The following QSER1 variants were observed in gnomAD, a reference collection of about 807,000 sequenced individuals.
QSER1 encodes glutamine and serine rich 1.
QSER1 carries 49 observed loss-of-function variants against 158.5 expected under a neutral mutation model. The observed-to-expected ratio is 0.31, with a 90% CI of 0.25 to 0.39. The LOEUF (loss-of-function observed/expected upper bound fraction) is 0.39, where lower values mean the gene tolerates loss of function less well. QSER1 is among the 10% of genes least tolerant of loss of function. The pLI is 1.00. For synonymous variants in QSER1, 650 were observed against 715.5 expected, an observed-to-expected ratio of 0.91 and a Z score of 1.46; for missense variants, 1,754 against 2,010.3, an observed-to-expected ratio of 0.87 and a Z score of 2.44.
rs1282341050 is a variant in QSER1 at position 32,977,018 on chromosome 11, C to T, written c.*544C>T. ...TTTGGAAACTATTCTGCTTTACAGA[C>T]TCCTTTTACTCTTAACATGTTCAGG... is the stretch of plus-strand genomic sequence containing the variant. On this transcript the variant is annotated 3_prime_UTR_variant, in exon 13 of 13. Coordinates refer to ENST00000650167, the MANE Select transcript of QSER1 (RefSeq NM_001076786.3). 1 of 152,646 alleles carries T rather than the reference C, an allele frequency of 6.6e-6. No homozygotes were observed. The highest frequency in any genetic ancestry group is 2.4e-5 in the African/African-American group (1 of 41,442). The allele number at this position is 152,646 out of a possible 1,614,324, so 9.5% of individuals were successfully genotyped here.
rs559355893 is a variant in QSER1, at chr11:32,893,544, A to G, written c.209+210A>G. Among the ~76,000 whole-genome samples, 18 of 151,848 alleles carry G rather than the reference A, an allele frequency of 1.2e-4. No homozygotes were observed. Among genetic ancestry groups the G allele is most frequent in the Non-Finnish European group, 2.7e-4 (18 of 67,922 alleles). On this transcript the variant is annotated intron_variant, in intron 1 of 12. Coordinates refer to ENST00000650167, the MANE Select transcript of QSER1 (RefSeq NM_001076786.3). The surrounding 1 kb of genome is among the most constrained non-coding windows in gnomAD (Gnocchi z 4.7). ...CCCGGTGCAGGATTCGCGCCTGGGGACGGCGGGTGAAGGAATAGCTGGGCG... is the reference window on the plus strand; with the variant it reads ...CCCGGTGCAGGATTCGCGCCTGGGGGCGGCGGGTGAAGGAATAGCTGGGCG...
intron 1 of QSER1, among the ~76,000 whole-genome samples, chr11:32,912,319 T>C (rs1851777194): frequency 6.6e-6 from 1 of 152,200 alleles, no homozygotes; most frequent in African/African-American, 2.4e-5. Flanking sequence ...GTCTTCTCAA[T>C]TGTATTTTTT....
Position 32,967,026 on chromosome 11 carries a change from A to G in QSER1, c.5107+589A>G, listed in dbSNP as rs564143953. Among the ~76,000 whole-genome samples, 7 of 152,338 alleles carry G rather than the reference A, an allele frequency of 4.6e-5. No individual in the cohort carries two copies. In the South Asian group the frequency reaches 1.0e-3, roughly 23 times the overall value. ...TGAGTATCTACATAAAGGAAAATAAATAATACCCAAGAGACACCTGCACAT... is the reference window on the plus strand; with the variant it reads ...TGAGTATCTACATAAAGGAAAATAAGTAATACCCAAGAGACACCTGCACAT... On this transcript the variant is annotated intron_variant, in intron 9 of 12. Transcript: ENST00000650167.
Position 32,945,596 on chromosome 11 carries a change from C to G in QSER1, c.4178-8261C>G, listed in dbSNP as rs11032064. Among the ~76,000 whole-genome samples the G allele has an allele frequency of 1.4e-3, 207 of 152,124 alleles. 4 individuals carry two copies. The East Asian group carries it at 0.034, about 25-fold the overall frequency. On this transcript the variant is annotated intron_variant, in intron 4 of 12. Coordinates refer to ENST00000650167, the MANE Select transcript of QSER1 (RefSeq NM_001076786.3). ...CTCTTCTGGCCTGTAGAGTTTCTGC[C>G]GAGAGATCCGCTGTTAGTCTGATGG...
intron 8 of QSER1, among the ~76,000 whole-genome samples, chr11:32,959,308 A>G (rs866754884): frequency 6.6e-6 from 1 of 152,236 alleles, no homozygotes; most frequent in African/African-American, 2.4e-5. Context: ...CCCTTTACAG[A>G]AAAAGGTTGC....
chr11:32,944,284 A>C (rs1474774921), intron 4 of QSER1, among the ~76,000 whole-genome samples: 4 of 142,944 alleles, frequency 2.8e-5, no homozygotes, highest in Non-Finnish European at 6.2e-5. Flanking sequence ...CTAGCTTTTG[A>C]ATGTGTTTGC....
chr11:32,906,496 T>G (rs141908508), intron 1 of QSER1, among the ~76,000 whole-genome samples: 1 of 152,280 alleles, frequency 6.6e-6, no homozygotes, highest in African/African-American at 2.4e-5. Flanking sequence ...GCTTCTGGGC[T>G]CAAGTGATCC....
At chr11:32,971,609 A>G (rs932619119) in intron 10 of QSER1, among the ~76,000 whole-genome samples, 2 of 152,238 alleles carry the variant, frequency 1.3e-5, no homozygotes, top group Non-Finnish European at 2.9e-5. Flanking sequence ...ACCAGAGTAC[A>G]TGATAAGTGC....
chr11:32,932,886 C>A lies in QSER1; in HGVS notation c.1628C>A (p.Thr543Lys). 6.2e-7 allele frequency: 1 copy of A among 1,614,092 alleles called. No homozygotes were observed. The highest frequency in any genetic ancestry group is 8.5e-7 in the Non-Finnish European group (1 of 1,179,996). Residue 543 changes from threonine (T) to lysine (K), a missense_variant, in exon 4 of 13, where the codon ACA becomes AAA. Physicochemically the swap from Thr to Lys is moderately conservative, Grantham distance 78 (BLOSUM62 -1). This residue lies in a region of QSER1 where 1,707 missense variants were observed against 1,919.6 expected (regional missense o/e 0.89). Coordinates refer to ENST00000650167, the MANE Select transcript of QSER1 (RefSeq NM_001076786.3). ...ACAAATGAGAATTACCCTGCTCAAA[C>A]AAGAGATCTGTCTTCAGTAAGTCAG... is the stretch of plus-strand genomic sequence containing the variant. Reference protein sequence around the residue: ...SVTNENYPAQTRDLSSVSQSQ... With the variant: ...SVTNENYPAQKRDLSSVSQSQ...
intron 10 of QSER1, among the ~76,000 whole-genome samples, chr11:32,971,525 C>T (rs1317938429): frequency 6.6e-6 from 1 of 152,046 alleles, no homozygotes; most frequent in Non-Finnish European, 1.5e-5. Context: ...AATCTTTAGA[C>T]TTTAAATTCT....
chr11:32,952,323 A>T (rs1377865857), intron 4 of QSER1, among the ~76,000 whole-genome samples: 2 of 152,202 alleles, frequency 1.3e-5, no homozygotes, highest in African/African-American at 2.4e-5. Flanking sequence ...TTTTATCATA[A>T]AAGGGCATTA....
At chr11:32,963,608 C>A (rs1026121490) in intron 8 of QSER1, among the ~76,000 whole-genome samples, 1 of 152,014 alleles carries the variant, frequency 6.6e-6, no homozygotes, top group Admixed American at 6.5e-5. Context: ...GCCTCGGCCT[C>A]CCAAAATGCT....
chr11:32,959,760 C>T (rs1249602626), intron 8 of QSER1, among the ~76,000 whole-genome samples: 1 of 151,828 alleles, frequency 6.6e-6, no homozygotes, highest in East Asian at 1.9e-4. Context: ...TTAAATTTAC[C>T]GTTTTTATTT....
chr11:32,958,418 C>G (rs1852562977), intron 8 of QSER1, among the ~76,000 whole-genome samples: 1 of 151,044 alleles, frequency 6.6e-6, no homozygotes, highest in Non-Finnish European at 1.5e-5. Context: ...GACAAGGTTT[C>G]ATTCTGTCGC....
intron 4 of QSER1, among the ~76,000 whole-genome samples, chr11:32,942,554 A>G (rs1275913662): frequency 2.6e-5 from 4 of 151,834 alleles, no homozygotes; most frequent in Admixed American, 2.6e-4. Flanking sequence ...GATGTGCGGC[A>G]TTATTTCTGA....
chr11:32,937,359 A>C (rs1193818118), intron 4 of QSER1, among the ~76,000 whole-genome samples: 2 of 152,054 alleles, frequency 1.3e-5, no homozygotes, highest in African/African-American at 2.4e-5. Context: ...ATCTTGGCAC[A>C]TTGAAACCTC....
At chr11:32,938,388 G>A (rs1046546693) in intron 4 of QSER1, among the ~76,000 whole-genome samples, 3 of 152,158 alleles carry the variant, frequency 2.0e-5, no homozygotes, top group Admixed American at 1.3e-4. Flanking sequence ...TGAGGTGATC[G>A]TGAGTTAAAG....
chr11:32,913,088 C>T (rs1851788366), intron 1 of QSER1, among the ~76,000 whole-genome samples: 1 of 148,800 alleles, frequency 6.7e-6, no homozygotes. Flanking sequence ...AATGTGCCAT[C>T]TTAGGGATAT....
intron 10 of QSER1, among the ~76,000 whole-genome samples, chr11:32,971,019 C>T (rs1046803519): frequency 8.4e-6 from 1 of 119,636 alleles, no homozygotes; most frequent in African/African-American, 3.2e-5. Flanking sequence ...GTGGCGCGAT[C>T]TCCGCCCACT....
Sources: gnomAD v4.1 joint callset for allele counts (sites outside exome capture counted in the v4.1 genomes callset) on GRCh38, gnomAD v4.1.1 for gene constraint, gnomAD v4.1.1 regional missense constraint, Gnocchi (gnomAD v3.1) non-coding constraint, MANE v1.5 for transcripts, NCBI Gene and HGNC (gene_info 2026-07-23, HGNC 2026-07-21) for gene names.